TCF20: variants seen among roughly 807,000 people sequenced by gnomAD.
TCF20 encodes the protein transcription factor 20.
Under a neutral mutation model 148.6 loss-of-function variants are expected in TCF20, and 3 were observed. That is an observed-to-expected ratio of 0.02 (90% confidence interval 0.01 to 0.05). The LOEUF (loss-of-function observed/expected upper bound fraction) is 0.05, where lower values mean the gene tolerates loss of function less well. Among genes scored for constraint, TCF20 ranks in the 10% least tolerant of loss-of-function variants. The pLI is 1.00. For synonymous variants in TCF20, 1,049 were observed against 909.5 expected, an observed-to-expected ratio of 1.15 and a Z score of -2.76; for missense variants, 2,350 against 2,429.3, an observed-to-expected ratio of 0.97 and a Z score of 0.69.
At chr22:42,176,056 A>T (rs1936429895) in intron 3 of TCF20, among the ~76,000 whole-genome samples, 1 of 152,042 alleles carries the variant, frequency 6.6e-6, no homozygotes, top group Non-Finnish European at 1.5e-5. Flanking sequence ...TCAGCCTCCG[A>T]AAGTGCTGGG....
At chr22:42,283,156 A>C (rs1926943963) in intron 1 of TCF20, among the ~76,000 whole-genome samples, 1 of 152,138 alleles carries the variant, frequency 6.6e-6, no homozygotes, top group Non-Finnish European at 1.5e-5. Context: ...CTGCCTCTTC[A>C]TTGTTGGCGT....
At chr22:42,329,720 C>G (rs573840556) in intron 1 of TCF20, among the ~76,000 whole-genome samples, 1 of 152,324 alleles carries the variant, frequency 6.6e-6, no homozygotes, top group East Asian at 1.9e-4. Context: ...AACCGGGAAG[C>G]AGCTCAGGGC....
upstream of TCF20, among the ~76,000 whole-genome samples, chr22:42,272,605 C>T (rs1255102297): frequency 1.3e-5 from 2 of 152,186 alleles, no homozygotes; most frequent in African/African-American, 2.4e-5. Flanking sequence ...CTCTTATAAC[C>T]ATGCAGCCCC....
chr22:42,181,151 A>G (rs1936753516), intron 2 of TCF20, among the ~76,000 whole-genome samples: 1 of 152,192 alleles, frequency 6.6e-6, no homozygotes, highest in Non-Finnish European at 1.5e-5. Flanking sequence ...GAGTGTGGGT[A>G]GTCCATCGGT....
chr22:42,195,490 A>C (rs1937544768), intron 2 of TCF20, among the ~76,000 whole-genome samples: 1 of 151,850 alleles, frequency 6.6e-6, no homozygotes, highest in Non-Finnish European at 1.5e-5. Context: ...ATTATTTCCA[A>C]TATTACATAC....
rs759520964 is a variant in TCF20 at position 42,212,391 on chromosome 22, T to C, written c.2915A>G (p.His972Arg). ...RGNASPGAAT[H>R]DSLSDYGPQD... ...CGGGCCATAGTCTGAAAGGGAATCA[T>C]GGGTTGCTGCTCCAGGGCTGGCATT... Residue 972 changes from histidine to arginine, a missense_variant, in exon 2 of 6, where the codon CAT becomes CGT. His to Arg is a conservative substitution (Grantham distance 29, BLOSUM62 0). Transcript: ENST00000677622. 7.4e-6 allele frequency: 12 copies of C among 1,614,106 alleles called. No homozygotes were observed. In the South Asian group the frequency reaches 1.2e-4, roughly 16 times the overall value.
At chr22:42,331,578 A>G (rs886161696) in intron 1 of TCF20, among the ~76,000 whole-genome samples, 1 of 152,224 alleles carries the variant, frequency 6.6e-6, no homozygotes, top group African/African-American at 2.4e-5. Flanking sequence ...CAGCAGGCTG[A>G]GCTTGGAGCT....
intron 2 of TCF20, among the ~76,000 whole-genome samples, chr22:42,197,991 G>A (rs1732854638): frequency 1.3e-5 from 2 of 152,016 alleles, no homozygotes; most frequent in African/African-American, 2.4e-5. Flanking sequence ...AACAATGTTG[G>A]CCCTTCTTGA....
At chr22:42,244,815 C>G (rs901964165) in intron 1 of TCF20, among the ~76,000 whole-genome samples, 2 of 152,138 alleles carry the variant, frequency 1.3e-5, no homozygotes, top group African/African-American at 4.8e-5. Context: ...CGCAGTGGCT[C>G]ACACCTGTAA....
chr22:42,181,406 C>T (rs1224905668), intron 2 of TCF20, among the ~76,000 whole-genome samples: 2 of 151,980 alleles, frequency 1.3e-5, no homozygotes, highest in African/African-American at 2.4e-5. Context: ...TGGTCTCAAA[C>T]TCCTGACCTC....
rs1320639409 is a variant in TCF20 at position 42,338,786 on chromosome 22, C to G, written c.-37+4693G>C. 2.0e-5 allele frequency among the ~76,000 whole-genome samples: 3 copies of G among 152,170 alleles called. No individual in the cohort carries two copies. In the East Asian group the frequency reaches 5.8e-4, roughly 29 times the overall value. ...AAGGGCAATCTTAATATATCAAAGT[C>G]CAGATGACAGTTTATTTCAACACAT... On this transcript the variant is annotated intron_variant, in intron 1 of 1. Transcript: ENST00000515426. This position sits in a 1 kb window ranked among gnomAD's most constrained non-coding sequence, Gnocchi z 4.0.
At chr22:42,207,420 T>G (rs1938461322) in intron 2 of TCF20, among the ~76,000 whole-genome samples, 1 of 152,166 alleles carries the variant, frequency 6.6e-6, no homozygotes, top group African/African-American at 2.4e-5. Context: ...GCTGGCTGGC[T>G]GCCTTATTAT....
intron 1 of TCF20, among the ~76,000 whole-genome samples, chr22:42,315,803 G>A (rs1480302323): frequency 6.6e-6 from 1 of 152,184 alleles, no homozygotes; most frequent in Non-Finnish European, 1.5e-5. Flanking sequence ...CAGGCAGAGG[G>A]AACAGCAGGA....
rs1208658596 is a variant in TCF20, at chr22:42,270,610, C to G, written c.-308G>C. Among the ~76,000 whole-genome samples, 1 of 145,366 alleles carries G rather than the reference C, an allele frequency of 6.9e-6. No individual in the cohort carries two copies. Among genetic ancestry groups the G allele is most frequent in the Non-Finnish European group, 1.5e-5 (1 of 65,536 alleles). ...CTCGCAGGGGCCGAAAGCGGCTGGG[C>G]TCGGGGTTTTTTCTCTCCATTCTCC... On this transcript the variant is annotated 5_prime_UTR_variant, in exon 1 of 6. Transcript: ENST00000677622.
chr22:42,329,195 A>G (rs2147056949), intron 1 of TCF20, among the ~76,000 whole-genome samples: 1 of 152,282 alleles, frequency 6.6e-6, no homozygotes, highest in African/African-American at 2.4e-5. Context: ...TCACACCAAG[A>G]AGTGATAAGG....
chr22:42,235,157 AAG>A (rs1491033106), intron 1 of TCF20, among the ~76,000 whole-genome samples: 6 of 151,710 alleles, frequency 4.0e-5, no homozygotes, highest in African/African-American at 1.5e-4. Context: ...AAAAAAAAAA[AAG>A]AACTTTGTAA....
intron 1 of TCF20, among the ~76,000 whole-genome samples, chr22:42,313,894 C>T (rs6002685): frequency 0.56 from 84,689 of 152,090 alleles, 24,235 homozygotes; most frequent in African/African-American, 0.68. Flanking sequence ...GTCACCGCGC[C>T]GGGCCAACAG....
chr22:42,300,506 G>C (rs1601698559), intron 1 of TCF20, among the ~76,000 whole-genome samples: 1 of 152,170 alleles, frequency 6.6e-6, no homozygotes, highest in African/African-American at 2.4e-5. Flanking sequence ...TGTTTCCCAG[G>C]GGGCACTGAG....
intron 1 of TCF20, among the ~76,000 whole-genome samples, chr22:42,331,672 G>T (rs1210675346): frequency 1.3e-5 from 2 of 152,242 alleles, no homozygotes; most frequent in Non-Finnish European, 2.9e-5. Context: ...AGCAGCCTGG[G>T]GGCTCTGATG....
Sources: allele counts gnomAD v4.1 joint callset (sites outside exome capture counted in the v4.1 genomes callset), GRCh38; gene constraint gnomAD v4.1.1; non-coding constraint Gnocchi (gnomAD v3.1); transcripts MANE v1.5; gene names NCBI Gene and HGNC (gene_info 2026-07-23, HGNC 2026-07-21).